Variants in AARSD1 observed in about 807,000 individuals in gnomAD.
AARSD1 encodes alanyl-tRNA editing protein Aarsd1.
A neutral mutation model predicts 48.7 loss-of-function variants in AARSD1; 44 were observed. The observed-to-expected ratio is 0.90, with a 90% confidence interval of 0.71 to 1.16. The LOEUF is 1.16. AARSD1 is among the 50% of genes most tolerant of loss of function. The pLI is 0.00. For missense variants in AARSD1, 511 were observed against 523.1 expected (o/e 0.98, Z 0.23); for synonymous variants, 189 against 194.9 (o/e 0.97, Z 0.25).
chr17:42,960,041 C>T (rs958585738), intron 3 of AARSD1, among the ~76,000 whole-genome samples: 2 of 151,688 alleles, frequency 1.3e-5, no homozygotes, highest in African/African-American at 4.8e-5. Flanking sequence ...GAAGCCGAGG[C>T]GGGCGGATCA....
At chr17:42,955,278 T>C in intron 7 of AARSD1, 54 bp from the exon 8 acceptor site, 8 of 1,606,542 alleles carry the variant, frequency 5.0e-6, no homozygotes, top group South Asian at 1.1e-5. Context: ...GTTTCTGATG[T>C]TGGGGACATA....
chr17:42,953,927 A>G, intron 9 of AARSD1, 149 bp from the exon 10 acceptor site: 15 of 948,648 alleles, frequency 1.6e-5, no homozygotes, highest in Non-Finnish European at 2.4e-5. Flanking sequence ...ACTGGCTGAA[A>G]GCCAGCAAGC....
chr17:42,950,828 A>C, intron 11 of AARSD1, 100 bp from the exon 12 acceptor site: 2 of 1,486,104 alleles, frequency 1.3e-6, no homozygotes, highest in Middle Eastern at 4.1e-4. Flanking sequence ...GAGAGGGATA[A>C]GAAGAGTAGA....
chr17:42,963,147 T>C (rs552752934), intron 2 of AARSD1, among the ~76,000 whole-genome samples: 4 of 151,016 alleles, frequency 2.6e-5, no homozygotes, highest in Middle Eastern at 3.4e-3. Context: ...AGTGGCACAA[T>C]CTTGGCTCAC....
rs2049536149 is a variant in AARSD1 at position 42,955,488 on chromosome 17, G to A, written c.795-264C>T. 6.5e-6 allele frequency: 3 copies of A among 462,332 alleles called. No homozygotes were observed. In the South Asian group the frequency reaches 7.0e-5, roughly 11 times the overall value. 28.6% of individuals were successfully genotyped at this position (462,332 alleles called of 1,614,324 possible). A position where few individuals can be genotyped will look rare whatever the true frequency, so the allele number is the denominator to read the frequency against. On this transcript the variant is annotated intron_variant, in intron 7 of 11. Coordinates refer to ENST00000427569, the MANE Select transcript of AARSD1 (RefSeq NM_001261434.2). ...GAGTCTTGCTCTATCGCCCAGGCTGGAGTGCAGTGGAACGATCTTGGCTCA... is the reference window on the plus strand; with the variant it reads ...GAGTCTTGCTCTATCGCCCAGGCTGAAGTGCAGTGGAACGATCTTGGCTCA...
In AARSD1 at chr17:42,962,705, G is replaced by C. The variant is rs111898605; in HGVS notation, c.172-1354C>G. On this transcript the variant is annotated intron_variant, in intron 2 of 11. Coordinates refer to ENST00000427569, the MANE Select transcript of AARSD1 (RefSeq NM_001261434.2). ...GAACTCTCTCAATACCAAGTCTACT[G>C]AACATGTTCTCTCATGTCACTTATT... 7.0e-4 allele frequency among the ~76,000 whole-genome samples: 107 copies of C among 152,280 alleles called. 3 individuals are homozygous for C. The highest frequency in any genetic ancestry group is 2.5e-3 in the African/African-American group (102 of 41,564).
chr17:42,955,258 C>T, intron 7 of AARSD1, 34 bp from the exon 8 acceptor site: 1 of 1,612,358 alleles, frequency 6.2e-7, no homozygotes, highest in Non-Finnish European at 8.5e-7. Context: ...ACCTGCGCAG[C>T]TTCCCAGTCG....
intron 11 of AARSD1, among the ~76,000 whole-genome samples, chr17:42,951,599 T>C (rs2049479396): frequency 6.6e-6 from 1 of 151,908 alleles, no homozygotes; most frequent in Non-Finnish European, 1.5e-5. Flanking sequence ...AAAACATACA[T>C]GTGAGATGTG....
chr17:42,954,320 C>A, intron 9 of AARSD1, among the ~76,000 whole-genome samples: 1 of 152,062 alleles, frequency 6.6e-6, no homozygotes, highest in East Asian at 1.9e-4. Flanking sequence ...CATGCCACTG[C>A]ACTCCAGACA....
chr17:42,964,060 A>G (rs781415749), intron 2 of AARSD1, 46 bp downstream of exon 2: 1 of 1,612,108 alleles, frequency 6.2e-7, no homozygotes, highest in African/African-American at 1.3e-5. Context: ...TTTCGGCCTG[A>G]GCACAAAGAA....
chr17:42,961,488 A>T (rs2049637557), intron 2 of AARSD1, 137 bp from the exon 3 acceptor site: 1 of 1,245,642 alleles, frequency 8.0e-7, no homozygotes, highest in African/African-American at 1.5e-5. Flanking sequence ...AAGTGAAATG[A>T]GTCCACTTTG....
At chr17:42,955,321 C>CCTG (rs2049533530) in intron 7 of AARSD1, 97 bp from the exon 8 acceptor site, 2 of 1,473,308 alleles carry the variant, frequency 1.4e-6, no homozygotes, top group Non-Finnish European at 1.8e-6. Context: ...ATGGTGCCTC[C>CCTG]CTGCAGTCAG....
chr17:42,961,142 C>A (rs1284594029), intron 3 of AARSD1, 50 bp downstream of exon 3: 1 of 1,567,854 alleles, frequency 6.4e-7, no homozygotes, highest in South Asian at 1.2e-5. Flanking sequence ...TCACAGCATC[C>A]CCATACATGG....
Position 42,964,436 on chromosome 17 carries a change from G to A in AARSD1, c.5C>T (p.Ala2Val). 8.4e-6 allele frequency: 13 copies of A among 1,550,766 alleles called. No homozygotes were observed. The highest frequency in any genetic ancestry group is 1.1e-5 in the Non-Finnish European group (13 of 1,147,034). The change falls in exon 1 of 12, where the codon GCG becomes GTG. Residue 2 changes from alanine to valine, a missense_variant. By Grantham distance (64) the Ala-to-Val change is moderately conservative. Transcript: ENST00000427569. ...ATAACTGTCACGCTGACACCAGAAC[G>A]CCATACCTGCAGGCGTGTGAGGAGG... M[A>V]FWCQRDSYAR...
chr17:42,960,962 GAAGTTGATA>G (rs1172081889), intron 3 of AARSD1: 1 of 615,196 alleles, frequency 1.6e-6, no homozygotes, highest in Non-Finnish European at 2.5e-6. Context: ...TATCGAGTGG[GAAGTTGATA>G]ATACCTAAAT....
intron 3 of AARSD1, among the ~76,000 whole-genome samples, chr17:42,960,628 A>G (rs1384188231): frequency 6.6e-6 from 1 of 151,198 alleles, no homozygotes; most frequent in African/African-American, 2.4e-5. Flanking sequence ...AGGCTGAGGC[A>G]GGAGAATCGC....
chr17:42,955,013 A>G (rs1408900315), intron 8 of AARSD1, 46 bp from the exon 9 acceptor site: 2 of 1,613,278 alleles, frequency 1.2e-6, no homozygotes, highest in African/African-American at 2.7e-5. Flanking sequence ...AAGGATAACA[A>G]TAGAGAGTAT....
rs2049568532 is a variant in AARSD1, at chr17:42,957,130, C to T, written c.389+8G>A. ...CTGCCTACAGTTAGTCTTATGCCTC[C>T]CACTCACCATGATGTTGTCTTCAGC... On this transcript the variant is annotated splice_region_variant and intron_variant, in intron 4 of 11. Coordinates refer to ENST00000427569, the MANE Select transcript of AARSD1 (RefSeq NM_001261434.2). 1 of 1,613,424 alleles carries T rather than the reference C, an allele frequency of 6.2e-7. No individual in the cohort carries two copies. Among genetic ancestry groups the T allele is most frequent in the Non-Finnish European group, 8.5e-7 (1 of 1,179,728 alleles).
At chr17:42,961,824 C>T (rs1283351046) in intron 2 of AARSD1, among the ~76,000 whole-genome samples, 1 of 152,092 alleles carries the variant, frequency 6.6e-6, no homozygotes, top group Non-Finnish European at 1.5e-5. Flanking sequence ...TGAGATCAGA[C>T]TGGACAACAC....
Sources: allele counts gnomAD v4.1 joint callset (sites outside exome capture counted in the v4.1 genomes callset), GRCh38; gene constraint gnomAD v4.1.1; transcripts MANE v1.5; gene names NCBI Gene and HGNC (gene_info 2026-07-23, HGNC 2026-07-21).